KIAA0930: variants seen among roughly 807,000 people sequenced by gnomAD.
KIAA0930 encodes the protein uncharacterized protein KIAA0930.
Under a neutral mutation model 43.9 loss-of-function variants are expected in KIAA0930, and 24 were observed. The ratio of observed to expected loss-of-function variants is 0.55; its 90% CI spans 0.40 to 0.77. The LOEUF (loss-of-function observed/expected upper bound fraction) is 0.77, where lower values mean the gene tolerates loss of function less well. KIAA0930 is among the 30% of genes least tolerant of loss of function. The pLI, the probability that KIAA0930 is intolerant of heterozygous loss-of-function variation, is 0.00. For missense variants in KIAA0930, 461 were observed against 574.2 expected (o/e 0.80, Z 2.02); for synonymous variants, 259 against 216.4 (o/e 1.20, Z -1.73).
intron 1 of KIAA0930, among the ~76,000 whole-genome samples, chr22:45,216,208 C>A (rs2083731627): frequency 6.6e-6 from 1 of 152,172 alleles, no homozygotes; most frequent in Admixed American, 6.5e-5. Context: ...TGCAGTCAAA[C>A]ATATGTGTGC....
intron 2 of KIAA0930, among the ~76,000 whole-genome samples, chr22:45,211,059 G>C (rs1161803742): frequency 6.6e-6 from 1 of 152,120 alleles, no homozygotes; most frequent in African/African-American, 2.4e-5. Context: ...AGGCACCCAG[G>C]CCCTTCCACT....
chr22:45,205,500 C>T, intron 4 of KIAA0930, 130 bp downstream of exon 4: 2 of 945,638 alleles, frequency 2.1e-6, no homozygotes, highest in Non-Finnish European at 3.3e-6. Flanking sequence ...ATCCCAGGAG[C>T]TGAGCAGATT....
At chr22:45,201,750 C>G (rs5766533) in intron 7 of KIAA0930, among the ~76,000 whole-genome samples, 8 of 152,016 alleles carry the variant, frequency 5.3e-5, no homozygotes, top group East Asian at 3.9e-4. Flanking sequence ...ATACCTCCCC[C>G]CCAAAAAAAG....
intron 7 of KIAA0930, among the ~76,000 whole-genome samples, chr22:45,201,634 C>A (rs1466882150): frequency 6.6e-6 from 1 of 152,182 alleles, no homozygotes; most frequent in Non-Finnish European, 1.5e-5. Flanking sequence ...AAATATAAAC[C>A]ACCTCATTCC....
intron 8 of KIAA0930, among the ~76,000 whole-genome samples, chr22:45,199,027 G>C (rs1489779110): frequency 6.6e-6 from 1 of 152,234 alleles, no homozygotes; most frequent in Non-Finnish European, 1.5e-5. Context: ...GAGGATGACA[G>C]TGAGGAAGGC....
At chr22:45,232,552 TGTGTCA>T (rs1477129467) in intron 1 of KIAA0930, among the ~76,000 whole-genome samples, 1 of 152,188 alleles carries the variant, frequency 6.6e-6, no homozygotes, top group Non-Finnish European at 1.5e-5. Flanking sequence ...CTCCCCTGTC[TGTGTCA>T]GTGATAGGGC....
intron 8 of KIAA0930, among the ~76,000 whole-genome samples, chr22:45,198,487 G>A (rs573973719): frequency 1.8e-4 from 27 of 152,346 alleles, no homozygotes; most frequent in African/African-American, 2.6e-4. Context: ...CGAGGCCAGT[G>A]CTGGAGTCCC....
At chr22:45,230,000 G>A (rs2147764547) in intron 1 of KIAA0930, among the ~76,000 whole-genome samples, 1 of 152,348 alleles carries the variant, frequency 6.6e-6, no homozygotes, top group East Asian at 1.9e-4. Flanking sequence ...GGAGGCTGAG[G>A]CAGGAGAATC....
At chr22:45,220,722 AG>A (rs927876760) in intron 1 of KIAA0930, among the ~76,000 whole-genome samples, 5 of 152,140 alleles carry the variant, frequency 3.3e-5, no homozygotes, top group Non-Finnish European at 7.4e-5. Context: ...CTGGGACTAC[AG>A]GCATGCAATA....
In KIAA0930 at chr22:45,238,484, G is replaced by A. The variant is rs1190046799; in HGVS notation, c.64+2156C>T. ...TGATTGTCCCAACAAACATGTGCCT[G>A]GCACAAAGAGAACACAGGCAGAACA... On this transcript the variant is annotated intron_variant, in intron 1 of 9. Transcript: ENST00000336156. Among the ~76,000 whole-genome samples the A allele has an allele frequency of 2.6e-5, 4 of 152,274 alleles. No homozygotes were observed. In the East Asian group the frequency reaches 5.8e-4, roughly 22 times the overall value.
chr22:45,206,812 C>T (rs553412382), intron 2 of KIAA0930, among the ~76,000 whole-genome samples: 89 of 151,956 alleles, frequency 5.9e-4, no homozygotes, highest in Non-Finnish European at 9.1e-4. Flanking sequence ...GATTCTCCTG[C>T]CTCAGCCTCC....
chr22:45,230,107 T>C (rs1366706528), intron 1 of KIAA0930, among the ~76,000 whole-genome samples: 2 of 152,020 alleles, frequency 1.3e-5, no homozygotes, highest in African/African-American at 2.4e-5. Context: ...TGGGGACATA[T>C]GGGACAATGC....
intron 1 of KIAA0930, among the ~76,000 whole-genome samples, 165 bp downstream of exon 1, chr22:45,240,475 G>T (rs890984613): frequency 1.4e-5 from 2 of 143,242 alleles, no homozygotes; most frequent in Admixed American, 6.9e-5. Context: ...CAGGGACGGT[G>T]GGGGGGGGGC....
chr22:45,212,724 T>A (rs901432922), intron 1 of KIAA0930, among the ~76,000 whole-genome samples: 1 of 152,270 alleles, frequency 6.6e-6, no homozygotes, highest in Non-Finnish European at 1.5e-5. Context: ...TATTTCTTTA[T>A]GATAAATATT....
At chr22:45,200,543 G>A (rs1300523360) in intron 7 of KIAA0930, among the ~76,000 whole-genome samples, 4 of 152,134 alleles carry the variant, frequency 2.6e-5, no homozygotes, top group Admixed American at 6.5e-5. Flanking sequence ...CCAGGGCCAC[G>A]CTCCTCATCC....
At chr22:45,223,788 GTCAGCACTGAGACAGCACCCAGGA>G in intron 1 of KIAA0930, among the ~76,000 whole-genome samples, 1 of 143,316 alleles carries the variant, frequency 7.0e-6, no homozygotes, top group Non-Finnish European at 1.5e-5. Context: ...AGCACCCAGG[GTCAGCACTGAGACAGCACCCAGGA>G]TCAGCACCAG....
rs1210389419 is a variant in KIAA0930, at chr22:45,229,213, CCAAA to C, written c.64+11423_64+11426del. 4.6e-4 allele frequency among the ~76,000 whole-genome samples: 11 copies of C among 23,846 alleles called. 2 individuals carry two copies. Among genetic ancestry groups the C allele is most frequent in the African/African-American group, 9.7e-4 (5 of 5,164 alleles). 15.6% of individuals were successfully genotyped at this position (23,846 alleles called of 152,430 possible). ...AGATCCCTCCCCATCCCCCCCACCA[CCAAA>C]CACTCACCCGAAAGATCCCTCTCCA... On this transcript the variant is annotated intron_variant, in intron 1 of 9. Transcript: ENST00000336156.
At chr22:45,206,669 T>C (rs1022065401) in intron 2 of KIAA0930, among the ~76,000 whole-genome samples, 2 of 151,532 alleles carry the variant, frequency 1.3e-5, no homozygotes, top group Non-Finnish European at 2.9e-5. Context: ...AACCAAAGCA[T>C]GTCTACACCT....
In KIAA0930 at chr22:45,199,975, G is replaced by A. The variant is rs752847163; in HGVS notation, c.913C>T (p.Pro305Ser). 1.2e-6 allele frequency: 2 copies of A among 1,609,330 alleles called. No homozygotes were observed. The highest frequency in any genetic ancestry group is 1.7e-6 in the Non-Finnish European group (2 of 1,177,594). ...ERNNRPAFFS[P>S]SLKRKVPRNR... ...CGGGGCACCTTCCTCTTGAGGGATG[G>A]GGAGAAGAAGGCAGGCCGGTTGTTC... The change falls in exon 8 of 10, where the codon CCA (proline) becomes TCA (serine). Residue 305 changes from proline (P) to serine (S), a missense_variant. By Grantham distance (74) the Pro-to-Ser change is moderately conservative. Coordinates refer to ENST00000336156, the MANE Select transcript of KIAA0930 (RefSeq NM_001009880.2).
Sources: allele counts gnomAD v4.1 joint callset (sites outside exome capture counted in the v4.1 genomes callset), GRCh38; gene constraint gnomAD v4.1.1; transcripts MANE v1.5; gene names NCBI Gene and HGNC (gene_info 2026-07-23, HGNC 2026-07-21).